Variants in TNNI3K observed in about 807,000 individuals in gnomAD.
TNNI3K encodes TNNI3 interacting kinase, also known as serine/threonine-protein kinase TNNI3K.
TNNI3K carries 140 observed loss-of-function variants against 114.5 expected under a neutral mutation model. The observed-to-expected ratio is 1.22, with a 90% CI of 1.07 to 1.41. TNNI3K has a LOEUF of 1.41. TNNI3K is among the 40% of genes most tolerant of loss of function. The probability of loss-of-function intolerance (pLI) is 0.00; values close to 1 mark genes in which losing one functional copy is unlikely to be tolerated. For missense variants in TNNI3K, 1,125 were observed against 1,007.6 expected, an observed-to-expected ratio of 1.12 and a Z score of -1.58; for synonymous variants, 347 against 347.5, an observed-to-expected ratio of 1.00 and a Z score of 0.02.
At chr1:74,283,875 TG>T (rs558339488) in intron 5 of TNNI3K, among the ~76,000 whole-genome samples, 85 of 152,330 alleles carry the variant, frequency 5.6e-4, no homozygotes, top group Admixed American at 1.2e-3. Flanking sequence ...GAAATATTTC[TG>T]TTACATATTT....
intron 23 of TNNI3K, among the ~76,000 whole-genome samples, chr1:74,528,615 T>C (rs1041691942): frequency 4.6e-5 from 7 of 152,180 alleles, no homozygotes; most frequent in African/African-American, 1.7e-4. Flanking sequence ...GGTGTGAATA[T>C]GGAGAGAATG....
At chr1:74,461,587 A>T (rs760700153) in intron 20 of TNNI3K, among the ~76,000 whole-genome samples, 1 of 152,124 alleles carries the variant, frequency 6.6e-6, no homozygotes, top group Non-Finnish European at 1.5e-5. Flanking sequence ...TGATAAGAAC[A>T]CAATCTAAAC....
At chr1:74,312,000 T>A (rs780428114) in intron 5 of TNNI3K, among the ~76,000 whole-genome samples, 3 of 152,192 alleles carry the variant, frequency 2.0e-5, no homozygotes, top group Non-Finnish European at 2.9e-5. Flanking sequence ...GATTTCCATT[T>A]CATGTAAGTT....
chr1:74,497,490 A>G (rs1222418730), intron 23 of TNNI3K, among the ~76,000 whole-genome samples: 1 of 151,954 alleles, frequency 6.6e-6, no homozygotes, highest in East Asian at 1.9e-4. Context: ...AATGTTCTCA[A>G]ACATTGCTTC....
chr1:74,520,133 G>A (rs543744818), intron 23 of TNNI3K, among the ~76,000 whole-genome samples: 6 of 143,908 alleles, frequency 4.2e-5, no homozygotes, highest in Admixed American at 3.6e-4. Context: ...CCAATTTGTA[G>A]TCTTTTATCC....
chr1:74,339,154 G>T (rs1570485371), intron 7 of TNNI3K, among the ~76,000 whole-genome samples: 1 of 152,124 alleles, frequency 6.6e-6, no homozygotes, highest in Non-Finnish European at 1.5e-5. Flanking sequence ...AAAAGGCATT[G>T]AAATGTGTAA....
chr1:74,316,294 T>C (rs1310602672), intron 5 of TNNI3K, among the ~76,000 whole-genome samples: 1 of 152,230 alleles, frequency 6.6e-6, no homozygotes, highest in Admixed American at 6.5e-5. Flanking sequence ...TCCTTTCCTC[T>C]GCCTTTTCTC....
chr1:74,535,403 A>T (rs1646648214), intron 23 of TNNI3K, among the ~76,000 whole-genome samples: 2 of 152,090 alleles, frequency 1.3e-5, no homozygotes. Flanking sequence ...GTGGGAGGTG[A>T]AGATTGCAGT....
intron 17 of TNNI3K, among the ~76,000 whole-genome samples, chr1:74,389,855 A>G (rs1418333367): frequency 6.6e-6 from 1 of 152,194 alleles, no homozygotes. Context: ...TCAATTAGAA[A>G]TAGCAGTGGG....
rs549105529 is a variant in TNNI3K at position 74,285,390 on chromosome 1, C to A, written c.444+13682C>A. Among the ~76,000 whole-genome samples, 19 of 152,264 alleles carry A rather than the reference C, an allele frequency of 1.2e-4. No individual in the cohort carries two copies. The South Asian group carries it at 3.7e-3, about 30-fold the overall frequency. ...AAATTAACTGCTACCCATTTGTATGCCCCGTGTTTCTACAACACTATAGTC... is the reference window on the plus strand; with the variant it reads ...AAATTAACTGCTACCCATTTGTATGACCCGTGTTTCTACAACACTATAGTC... On this transcript the variant is annotated intron_variant, in intron 5 of 24. Coordinates refer to ENST00000326637, the MANE Select transcript of TNNI3K (RefSeq NM_015978.3).
At chr1:74,408,359 T>C (rs149069768) in intron 17 of TNNI3K, among the ~76,000 whole-genome samples, 311 of 152,308 alleles carry the variant, frequency 2.0e-3, no homozygotes, top group African/African-American at 7.2e-3. Context: ...TTTTGTGCAC[T>C]CTTGCTTTCT....
chr1:74,502,385 T>C (rs1669677732), intron 23 of TNNI3K, among the ~76,000 whole-genome samples: 1 of 152,238 alleles, frequency 6.6e-6, no homozygotes, highest in African/African-American at 2.4e-5. Flanking sequence ...GTATGCCTCA[T>C]GGTTTCTATT....
chr1:74,288,004 T>C (rs1657438697), intron 5 of TNNI3K, among the ~76,000 whole-genome samples: 1 of 152,124 alleles, frequency 6.6e-6, no homozygotes. Flanking sequence ...ATATCGTTAA[T>C]TATCAGGGAA....
At chr1:74,498,242 A>G (rs1208984311) in intron 23 of TNNI3K, among the ~76,000 whole-genome samples, 1 of 152,178 alleles carries the variant, frequency 6.6e-6, no homozygotes, top group Non-Finnish European at 1.5e-5. Flanking sequence ...CAGTTTTTTT[A>G]ACCTTGACAT....
chr1:74,248,185 C>T (rs1360985168), intron 2 of TNNI3K, among the ~76,000 whole-genome samples: 3 of 152,112 alleles, frequency 2.0e-5, no homozygotes, highest in South Asian at 2.1e-4. Flanking sequence ...GCTGGTGGCA[C>T]CAGCCTGCGG....
At chr1:74,352,608 G>A (rs1007453347) in intron 9 of TNNI3K, among the ~76,000 whole-genome samples, 10 of 152,324 alleles carry the variant, frequency 6.6e-5, no homozygotes, top group Non-Finnish European at 8.8e-5. Flanking sequence ...AGCTGTGGTC[G>A]GCTCCACCCA....
intron 9 of TNNI3K, among the ~76,000 whole-genome samples, 193 bp downstream of exon 9, chr1:74,343,372 A>T (rs963409483): frequency 6.6e-6 from 1 of 152,198 alleles, no homozygotes; most frequent in Non-Finnish European, 1.5e-5. Flanking sequence ...TGCAGTCAGT[A>T]CAACAGATGG....
intron 4 of TNNI3K, among the ~76,000 whole-genome samples, chr1:74,253,362 A>G (rs1006375918): frequency 6.6e-6 from 1 of 152,068 alleles, no homozygotes; most frequent in Non-Finnish European, 1.5e-5. Context: ...TGGGCAGTCA[A>G]TGGGATGGGG....
At chr1:74,341,189 T>A (rs1464242194) in intron 7 of TNNI3K, among the ~76,000 whole-genome samples, 1 of 152,202 alleles carries the variant, frequency 6.6e-6, no homozygotes, top group Non-Finnish European at 1.5e-5. Flanking sequence ...AGTTTGATGT[T>A]CAGTTGTTTT....
Sources: gnomAD v4.1 joint callset for allele counts (sites outside exome capture counted in the v4.1 genomes callset) on GRCh38, gnomAD v4.1.1 for gene constraint, MANE v1.5 for transcripts, NCBI Gene and HGNC (gene_info 2026-07-23, HGNC 2026-07-21) for gene names.